The following TENM2 variants were observed in gnomAD, a reference collection of about 807,000 sequenced individuals.
TENM2 encodes teneurin transmembrane protein 2, also known as teneurin-2.
In TENM2, 52 loss-of-function variants were observed where a neutral mutation model predicts 245.2. That is an observed-to-expected ratio of 0.21 (90% confidence interval 0.17 to 0.27). The LOEUF (loss-of-function observed/expected upper bound fraction) is 0.27. Ranked by LOEUF, TENM2 falls within the 10% of genes least tolerant of loss-of-function variation. The probability of loss-of-function intolerance (pLI) is 1.00; values close to 1 mark genes in which losing one functional copy is unlikely to be tolerated. For synonymous variants in TENM2, 1,363 were observed against 1,438.9 expected, an observed-to-expected ratio of 0.95 and a Z score of 1.19; for missense variants, 3,046 against 3,666.8, an observed-to-expected ratio of 0.83 and a Z score of 4.37.
chr5:167,712,518 C>T (rs1017143538), intron 2 of TENM2, among the ~76,000 whole-genome samples: 1 of 152,112 alleles, frequency 6.6e-6, no homozygotes, highest in Non-Finnish European at 1.5e-5. Flanking sequence ...CTATTCATGC[C>T]ACAATCCCCT....
chr5:168,209,720 A>G (rs1762642841), intron 19 of TENM2, among the ~76,000 whole-genome samples: 1 of 152,256 alleles, frequency 6.6e-6, no homozygotes, highest in South Asian at 2.1e-4. Context: ...AAGTCTGCCC[A>G]GCACTAAGGG....
intron 12 of TENM2, among the ~76,000 whole-genome samples, chr5:168,147,105 A>G (rs1408149278): frequency 6.6e-6 from 1 of 152,228 alleles, no homozygotes; most frequent in Non-Finnish European, 1.5e-5. Flanking sequence ...AACTTCCCTA[A>G]ATTTAAGTTG....
chr5:167,680,225 G>C (rs1213776492), intron 2 of TENM2, among the ~76,000 whole-genome samples: 1 of 151,578 alleles, frequency 6.6e-6, no homozygotes, highest in Non-Finnish European at 1.5e-5. Context: ...AATCATGCCT[G>C]TCTTTATACG....
chr5:167,543,660 G>C (rs939464714), intron 2 of TENM2, among the ~76,000 whole-genome samples: 1 of 152,112 alleles, frequency 6.6e-6, no homozygotes, highest in African/African-American at 2.4e-5. Flanking sequence ...CATAGTTCTG[G>C]AAGGCTGGAA....
intron 2 of TENM2, among the ~76,000 whole-genome samples, chr5:167,529,272 C>T (rs1384126977): frequency 6.6e-6 from 1 of 152,124 alleles, no homozygotes; most frequent in African/African-American, 2.4e-5. Flanking sequence ...CCCCTCTTTC[C>T]ATCTGAGCCA....
At chr5:167,657,730 C>G (rs1446692131) in intron 2 of TENM2, among the ~76,000 whole-genome samples, 2 of 152,212 alleles carry the variant, frequency 1.3e-5, no homozygotes, top group Admixed American at 1.3e-4. Flanking sequence ...GCTGAGTAAA[C>G]ATAGGCTATA....
At chr5:167,685,111 C>T (rs986659136) in intron 2 of TENM2, among the ~76,000 whole-genome samples, 4 of 152,092 alleles carry the variant, frequency 2.6e-5, no homozygotes, top group Non-Finnish European at 4.4e-5. Context: ...TCATTACTGT[C>T]GACCTTTTCA....
chr5:168,263,109 T>C, downstream of TENM2: 1 of 318,570 alleles, frequency 3.1e-6, no homozygotes, highest in Non-Finnish European at 5.8e-6. Flanking sequence ...GTTCTGGGTC[T>C]ACGCAGAAAA....
intron 2 of TENM2, among the ~76,000 whole-genome samples, chr5:167,777,429 A>T (rs1763885929): frequency 1.3e-5 from 2 of 152,254 alleles, no homozygotes; most frequent in Non-Finnish European, 2.9e-5. Flanking sequence ...ATTAGAAATA[A>T]AAGATGTAAT....
intron 2 of TENM2, among the ~76,000 whole-genome samples, chr5:167,452,931 T>TTTTATATATATATATA (rs1264260420): frequency 4.1e-4 from 2 of 4,886 alleles, no homozygotes; most frequent in African/African-American, 7.2e-4. Flanking sequence ...AAAGTATGAT[T>TTTTATATATATATATA]TATATATATA....
At chr5:168,142,301 C>T (rs1455263737) in intron 12 of TENM2, among the ~76,000 whole-genome samples, 1 of 152,192 alleles carries the variant, frequency 6.6e-6, no homozygotes, top group Non-Finnish European at 1.5e-5. Context: ...GCCGGCTGGA[C>T]CAACAGGTCA....
chr5:167,278,572 T>C, the TENM2 span, among the ~76,000 whole-genome samples: 1 of 152,206 alleles, frequency 6.6e-6, no homozygotes, highest in African/African-American at 2.4e-5. Context: ...TTTACTTACC[T>C]ATAGTAATTT....
Position 167,709,360 on chromosome 5 carries a change from T to C in TENM2, c.503-166626T>C, listed in dbSNP as rs375151407. Among the ~76,000 whole-genome samples the C allele has an allele frequency of 3.9e-5, 6 of 152,266 alleles. No individual in the cohort carries two copies. The East Asian group carries it at 9.6e-4, about 24-fold the overall frequency. On this transcript the variant is annotated intron_variant, in intron 2 of 28. Coordinates refer to ENST00000518659, the Ensembl canonical transcript of TENM2. ...TGTAATTTTTTGTATCTATCTTATT[T>C]GAATTTCATTTCATGTAATCCCTCC...
intron 2 of TENM2, among the ~76,000 whole-genome samples, chr5:167,851,099 G>A (rs1037671775): frequency 2.0e-5 from 3 of 152,098 alleles, no homozygotes; most frequent in East Asian, 3.9e-4. Flanking sequence ...TGTGTCAGCC[G>A]TCTTGGAGAT....
chr5:167,727,981 G>C (rs1425287139), intron 2 of TENM2, among the ~76,000 whole-genome samples: 2 of 152,132 alleles, frequency 1.3e-5, no homozygotes, highest in Non-Finnish European at 2.9e-5. Flanking sequence ...GTGTCGCTTA[G>C]CTTATGCAGG....
the TENM2 span, among the ~76,000 whole-genome samples, chr5:167,035,950 C>G: frequency 6.6e-6 from 1 of 152,150 alleles, no homozygotes; most frequent in Non-Finnish European, 1.5e-5. Context: ...ACCATGTTGA[C>G]GAGGCTGGTC....
intron 12 of TENM2, among the ~76,000 whole-genome samples, chr5:168,156,929 T>C (rs1017328068): frequency 1.3e-5 from 2 of 152,156 alleles, no homozygotes; most frequent in African/African-American, 4.8e-5. Flanking sequence ...AGCCGTTCGG[T>C]TCACAGTAGG....
At chr5:168,055,079 A>G (rs1789423348) in intron 6 of TENM2, among the ~76,000 whole-genome samples, 1 of 152,170 alleles carries the variant, frequency 6.6e-6, no homozygotes, top group Admixed American at 6.6e-5. Flanking sequence ...CTAGAACCCA[A>G]GGATACCAGT....
At chr5:167,138,877 C>T in the TENM2 span, among the ~76,000 whole-genome samples, 1 of 152,178 alleles carries the variant, frequency 6.6e-6, no homozygotes, top group Non-Finnish European at 1.5e-5. Context: ...CCCACCTCAG[C>T]CTCTCAAAGT....
Sources: gnomAD v4.1 joint callset for allele counts (sites outside exome capture counted in the v4.1 genomes callset) on GRCh38, gnomAD v4.1.1 for gene constraint, MANE v1.5 for transcripts, NCBI Gene and HGNC (gene_info 2026-07-23, HGNC 2026-07-21) for gene names.